The following ANKMY1 variants were observed in gnomAD, a reference collection of about 807,000 sequenced individuals.
ANKMY1 encodes the protein ankyrin repeat and MYND domain-containing protein 1.
A neutral mutation model predicts 102.0 loss-of-function variants in ANKMY1; 98 were observed. The ratio of observed to expected loss-of-function variants is 0.96; its 90% CI spans 0.82 to 1.14. ANKMY1 has a LOEUF of 1.14. Among genes scored for constraint, ANKMY1 ranks in the 50% most tolerant of loss-of-function variants. The pLI is 0.00. For synonymous variants in ANKMY1, 582 were observed against 559.9 expected, an observed-to-expected ratio of 1.04 and a Z score of -0.56; for missense variants, 1,330 against 1,347.6, an observed-to-expected ratio of 0.99 and a Z score of 0.20.
intron 8 of ANKMY1, chr2:240,523,616 A>G (rs2082743452): frequency 1.8e-6 from 1 of 540,720 alleles, no homozygotes; most frequent in African/African-American, 1.9e-5. Context: ...GCCAAAGGCC[A>G]AAGCAGGGCT....
intron 15 of ANKMY1, among the ~76,000 whole-genome samples, chr2:240,492,711 G>C (rs776213576): frequency 6.6e-6 from 1 of 151,838 alleles, no homozygotes; most frequent in Non-Finnish European, 1.5e-5. Context: ...TTAAATTTGA[G>C]ACAGAGTCTC....
rs566365730 is a variant in ANKMY1 at position 240,499,045 on chromosome 2, G to A, written c.2806+913C>T. Reference sequence around the variant, plus strand: ...GGTGTTCCTTTACAGCAACGCAAACGGACTAACAGCACGTGGAAGTGTGTG... The same window carrying A: ...GGTGTTCCTTTACAGCAACGCAAACAGACTAACAGCACGTGGAAGTGTGTG... On this transcript the variant is annotated intron_variant, in intron 15 of 17. Coordinates refer to ENST00000401804, the MANE Select transcript of ANKMY1 (RefSeq NM_001282771.3). This position sits in a 1 kb window ranked among gnomAD's most constrained non-coding sequence, Gnocchi z 4.2. 2.0e-5 allele frequency among the ~76,000 whole-genome samples: 3 copies of A among 152,240 alleles called. No individual in the cohort carries two copies. Among genetic ancestry groups the A allele is most frequent in the African/African-American group, 7.2e-5 (3 of 41,516 alleles).
intron 13 of ANKMY1, among the ~76,000 whole-genome samples, chr2:240,504,861 G>C (rs966890233): frequency 1.3e-5 from 2 of 152,012 alleles, no homozygotes; most frequent in African/African-American, 4.8e-5. Flanking sequence ...ACAAAAATTG[G>C]CTGGGTGTGG....
chr2:240,526,505 G>A (rs537248786), intron 5 of ANKMY1, 60 bp from the exon 6 acceptor site: 7 of 1,603,004 alleles, frequency 4.4e-6, no homozygotes, highest in Non-Finnish European at 6.0e-6. Context: ...CACGAGAAAG[G>A]GTCCAGCTGG....
intron 5 of ANKMY1, among the ~76,000 whole-genome samples, chr2:240,528,480 TC>T (rs1336894818): frequency 6.6e-6 from 1 of 151,950 alleles, no homozygotes; most frequent in Non-Finnish European, 1.5e-5. Flanking sequence ...CCCTTAGCTC[TC>T]ATGCAGATCC....
rs2092575482 is a variant in ANKMY1 at position 240,557,902 on chromosome 2, G to A, written c.-39C>T. 2 of 985,532 alleles carry A rather than the reference G, an allele frequency of 2.0e-6. No homozygotes were observed. Among genetic ancestry groups the A allele is most frequent in the Non-Finnish European group, 1.2e-6 (1 of 830,016 alleles). The allele number at this position is 985,532 out of a possible 1,614,324, so 61.0% of individuals were successfully genotyped here. A position where few individuals can be genotyped will look rare whatever the true frequency, so the allele number is the denominator to read the frequency against. On this transcript the variant is annotated 5_prime_UTR_variant, in exon 1 of 18. Transcript: ENST00000401804. ...GCACCAAGCAAGACTCGAAGAGCTC[G>A]CGCCGGACAGCAGGGAGACCGACGG...
At chr2:240,495,517 C>T (rs1294647391) in intron 15 of ANKMY1, among the ~76,000 whole-genome samples, 1 of 152,098 alleles carries the variant, frequency 6.6e-6, no homozygotes, top group Non-Finnish European at 1.5e-5. Context: ...GCTGTCTCTC[C>T]TCTCTCTCTC....
At chr2:240,537,129 G>A (rs55675960) in intron 4 of ANKMY1, among the ~76,000 whole-genome samples, 15,588 of 152,276 alleles carry the variant, frequency 0.1, 1,027 homozygotes, top group Middle Eastern at 0.17. Context: ...ATGTGAGGTT[G>A]GCTAAAGTGA....
At chr2:240,508,585 A>G (rs61549493) in intron 12 of ANKMY1, among the ~76,000 whole-genome samples, 29 of 152,234 alleles carry the variant, frequency 1.9e-4, no homozygotes, top group African/African-American at 6.8e-4. Context: ...TATTTTCTTT[A>G]TAATACTTGT....
At chr2:240,560,624 G>A (rs1394937937), upstream of ANKMY1, 2 of 1,401,750 alleles carry the variant, frequency 1.4e-6, no homozygotes, top group Non-Finnish European at 1.8e-6. Flanking sequence ...ACTCCTGGGC[G>A]GGCGCCTGAG....
intron 8 of ANKMY1, chr2:240,522,228 G>A (rs1038031543): frequency 2.0e-5 from 3 of 152,186 alleles, no homozygotes; most frequent in East Asian, 1.9e-4. Context: ...CCTTTAGCTA[G>A]ACACAAAAGT....
chr2:240,524,005 G>A lies in ANKMY1; in HGVS notation c.1712C>T (p.Ser571Leu), dbSNP rs184584055. The A allele has an allele frequency of 3.5e-5, 57 of 1,613,970 alleles. No homozygotes were observed. In the East Asian group the frequency reaches 4.2e-4, roughly 12 times the overall value. The change falls in exon 8 of 18, where the codon TCG becomes TTG. Residue 571 changes from serine (S) to leucine (L), a missense_variant. Coordinates refer to ENST00000401804, the MANE Select transcript of ANKMY1 (RefSeq NM_001282771.3). ...GGCGCTTCTCTCCAGCATGGCCTGC[G>A]AGAGCTCGATGGAGAAGTCGCACAC... ...VCVCDFSIEL[S>L]QAMLERSAQS... is the part of the protein sequence containing the mutation.
chr2:240,517,784 T>G (rs1489539804), intron 9 of ANKMY1, among the ~76,000 whole-genome samples: 9 of 152,120 alleles, frequency 5.9e-5, no homozygotes, highest in African/African-American at 2.2e-4. Flanking sequence ...GCAGCCTAGG[T>G]GACAGAGTGG....
intron 4 of ANKMY1, among the ~76,000 whole-genome samples, chr2:240,530,307 T>C (rs908977096): frequency 1.3e-5 from 2 of 149,362 alleles, no homozygotes; most frequent in Admixed American, 1.3e-4. Context: ...CCATGTCAAA[T>C]TGTACTCCCC....
rs1559275324 is a variant in ANKMY1 at position 240,506,891 on chromosome 2, CAGA to C, written c.2526+666_2526+668del. ...CCAGGGACGTGCCTAGGGCTCAGGA[CAGA>C]AGGTGTCTCCAGCGCGGGCAGGATT... On this transcript the variant is annotated intron_variant, in intron 13 of 17. Transcript: ENST00000401804. The surrounding 1 kb of genome is among the most constrained non-coding windows in gnomAD (Gnocchi z 4.9). 6.6e-6 allele frequency among the ~76,000 whole-genome samples: 1 copy of C among 152,158 alleles called. No individual in the cohort carries two copies. The highest frequency in any genetic ancestry group is 2.4e-5 in the African/African-American group (1 of 41,440).
intron 4 of ANKMY1, among the ~76,000 whole-genome samples, chr2:240,543,837 G>T (rs1265266508): frequency 6.6e-6 from 1 of 152,136 alleles, no homozygotes; most frequent in East Asian, 1.9e-4. Flanking sequence ...ATGAAGAAAA[G>T]GTTATGATAT....
At position 240,506,926 on chromosome 2, in the gene ANKMY1, C is replaced by G. The variant is rs6437348; in HGVS notation, c.2526+634G>C. ...CTCCAGCGCGGGCAGGATTTCCCGA[C>G]TGTGAGCTTCCACCTAAGAAAGCCG... On this transcript the variant is annotated intron_variant, in intron 13 of 17. Transcript: ENST00000401804. This position sits in a 1 kb window ranked among gnomAD's most constrained non-coding sequence, Gnocchi z 4.9. Among the ~76,000 whole-genome samples the G allele has an allele frequency of 0.81, 123,038 of 151,926 alleles. 50,014 individuals carry two copies. Among genetic ancestry groups the G allele is most frequent in the East Asian group, 0.98 (5,015 of 5,122 alleles).
the ANKMY1 span, among the ~76,000 whole-genome samples, chr2:240,472,768 G>A: frequency 2.0e-5 from 3 of 152,180 alleles, no homozygotes; most frequent in Non-Finnish European, 4.4e-5. Flanking sequence ...GCTGAAAGAG[G>A]TGTTTGCTGC....
intron 3 of ANKMY1, chr2:240,554,619 A>G: frequency 2.0e-6 from 1 of 493,856 alleles, no homozygotes; most frequent in Non-Finnish European, 3.6e-6. Context: ...TCTGCCCAGA[A>G]TAAGAACTTA....
Sources: allele counts gnomAD v4.1 joint callset (sites outside exome capture counted in the v4.1 genomes callset), GRCh38; gene constraint gnomAD v4.1.1; non-coding constraint Gnocchi (gnomAD v3.1); transcripts MANE v1.5; gene names NCBI Gene and HGNC (gene_info 2026-07-23, HGNC 2026-07-21).